The following HPSE2 variants were observed in gnomAD, a reference collection of about 807,000 sequenced individuals.
HPSE2 encodes the protein heparanase 2 (inactive), also known as inactive heparanase-2.
In HPSE2, 38 loss-of-function variants were observed where a neutral mutation model predicts 60.5. That is an observed-to-expected ratio of 0.63 (90% CI 0.48 to 0.82). The LOEUF is 0.82. HPSE2 is among the 40% of genes least tolerant of loss of function. HPSE2 has a pLI of 0.00. For synonymous variants in HPSE2, 295 were observed against 293.2 expected, an observed-to-expected ratio of 1.01 and a Z score of -0.06; for missense variants, 713 against 740.4, an observed-to-expected ratio of 0.96 and a Z score of 0.43.
the HPSE2 span, among the ~76,000 whole-genome samples, chr10:99,306,883 T>G: frequency 2.0e-5 from 3 of 152,230 alleles, no homozygotes; most frequent in African/African-American, 7.2e-5. Flanking sequence ...GCTAATTTTG[T>G]ATTTTTAGTA....
intron 6 of HPSE2, among the ~76,000 whole-genome samples, chr10:98,688,311 C>T (rs1470902719): frequency 6.6e-6 from 1 of 151,860 alleles, no homozygotes; most frequent in South Asian, 2.1e-4. Context: ...TATATTTTTG[C>T]ATGAATCATT....
At position 98,939,578 on chromosome 10, in the gene HPSE2, G is replaced by A. The variant is rs1314152581; in HGVS notation, c.611-195522C>T. ...CCAATACAGGAGCACCCAGATTCAT[G>A]AAGCAAGTCCTGAGTGACCTACAAA... is the stretch of plus-strand genomic sequence containing the variant. On this transcript the variant is annotated intron_variant, in intron 3 of 11. Transcript: ENST00000370552. Among the ~76,000 whole-genome samples the A allele has an allele frequency of 4.2e-5, 6 of 143,366 alleles. 1 individual carries two copies. Among genetic ancestry groups the A allele is most frequent in the Non-Finnish European group, 6.0e-5 (4 of 67,094 alleles). The allele number at this position is 143,366 out of a possible 152,430, so 94.1% of individuals were successfully genotyped here. A position where few individuals can be genotyped will look rare whatever the true frequency, so the allele number is the denominator to read the frequency against.
At chr10:98,486,320 T>C (rs1009977799) in intron 10 of HPSE2, among the ~76,000 whole-genome samples, 2 of 152,224 alleles carry the variant, frequency 1.3e-5, no homozygotes, top group African/African-American at 4.8e-5. Flanking sequence ...AAGCATTTGC[T>C]GGCCCTCTGA....
At chr10:99,235,860 C>CT (rs1849825096), upstream of HPSE2, 1 of 1,484,796 alleles carries the variant, frequency 6.7e-7, no homozygotes, top group Non-Finnish European at 9.4e-7. Flanking sequence ...ACTAATTGTC[C>CT]TTATCTAAAG....
At chr10:99,023,764 C>G (rs554899871) in intron 3 of HPSE2, among the ~76,000 whole-genome samples, 1 of 152,168 alleles carries the variant, frequency 6.6e-6, no homozygotes, top group Non-Finnish European at 1.5e-5. Context: ...TATGAGTCAA[C>G]AAGAACCACA....
chr10:98,861,537 C>A (rs543166609), intron 3 of HPSE2, among the ~76,000 whole-genome samples: 23 of 152,198 alleles, frequency 1.5e-4, no homozygotes, highest in African/African-American at 5.5e-4. Flanking sequence ...AAAACTATAC[C>A]GAATGCATGT....
At chr10:98,546,383 A>C (rs202151628) in intron 9 of HPSE2, among the ~76,000 whole-genome samples, 29,266 of 131,994 alleles carry the variant, frequency 0.22, 3,299 homozygotes, top group East Asian at 0.4. Context: ...TGGAGGCATC[A>C]TGCTACCTGA....
chr10:99,031,183 G>A (rs959595349), intron 3 of HPSE2, among the ~76,000 whole-genome samples: 4 of 151,940 alleles, frequency 2.6e-5, no homozygotes, highest in African/African-American at 7.3e-5. Flanking sequence ...TTGAGGGGAC[G>A]GATACCACAT....
chr10:98,573,072 A>G (rs528338297), intron 9 of HPSE2, among the ~76,000 whole-genome samples: 2 of 152,326 alleles, frequency 1.3e-5, no homozygotes, highest in East Asian at 3.9e-4. Flanking sequence ...AACAGATCTG[A>G]GTGATCTTGG....
intron 7 of HPSE2, among the ~76,000 whole-genome samples, chr10:98,626,629 T>C (rs1322625368): frequency 6.6e-6 from 1 of 152,102 alleles, no homozygotes; most frequent in Non-Finnish European, 1.5e-5. Flanking sequence ...AAACAGACAG[T>C]GGCCCCAGCT....
intron 3 of HPSE2, among the ~76,000 whole-genome samples, chr10:98,990,504 C>A (rs755078563): frequency 1.3e-5 from 2 of 152,174 alleles, no homozygotes; most frequent in Non-Finnish European, 2.9e-5. Context: ...GCTCGCTCAC[C>A]CTGCCACTTA....
rs374004479 is a variant in HPSE2 at position 99,162,338 on chromosome 10, A to C, written c.449-17939T>G. ...CAAATGCCATTGTTACATCATGTAT[A>C]TTCTGCTTCTCTGCAGATTATATGA... On this transcript the variant is annotated intron_variant, in intron 2 of 11. Coordinates refer to ENST00000370552, the MANE Select transcript of HPSE2 (RefSeq NM_021828.5). Among the ~76,000 whole-genome samples, 14 of 152,326 alleles carry C rather than the reference A, an allele frequency of 9.2e-5. No individual in the cohort carries two copies. In the East Asian group the frequency reaches 2.7e-3, roughly 29 times the overall value.
chr10:99,148,787 CTCAATCAATCAATCAATCAA>C (rs10604979), intron 2 of HPSE2, among the ~76,000 whole-genome samples: 2 of 149,648 alleles, frequency 1.3e-5, no homozygotes, highest in African/African-American at 2.5e-5. Context: ...CGAAACTCCA[CTCAATCAATCAATCAATCAA>C]TCAATCAATC....
At chr10:99,160,831 G>A (rs901195609) in intron 2 of HPSE2, among the ~76,000 whole-genome samples, 9 of 145,984 alleles carry the variant, frequency 6.2e-5, no homozygotes, top group Non-Finnish European at 7.5e-5. Context: ...CCCGGGAGGC[G>A]GAGCTTGCAG....
chr10:98,951,478 CA>C (rs533356583), intron 3 of HPSE2, among the ~76,000 whole-genome samples: 3 of 151,694 alleles, frequency 2.0e-5, no homozygotes, highest in Non-Finnish European at 4.4e-5. Flanking sequence ...AGGGAAGTGA[CA>C]AAAAAATAAT....
chr10:99,308,379 C>CAAAAAAAAAAAAAAAAAA, the HPSE2 span, among the ~76,000 whole-genome samples: 15 of 28,124 alleles, frequency 5.3e-4, 2 homozygotes, highest in African/African-American at 1.1e-3. Context: ...GACTCTGTCT[C>CAAAAAAAAAAAAAAAAAA]AAAAAAAAAA....
chr10:98,695,291 G>C (rs567582619), intron 5 of HPSE2, among the ~76,000 whole-genome samples: 1 of 152,186 alleles, frequency 6.6e-6, no homozygotes, highest in Non-Finnish European at 1.5e-5. Context: ...GGACGAGGAC[G>C]GAGGATGAGA....
intron 9 of HPSE2, among the ~76,000 whole-genome samples, chr10:98,601,066 T>A (rs1589486463): frequency 6.6e-6 from 1 of 151,120 alleles, no homozygotes; most frequent in South Asian, 2.1e-4. Flanking sequence ...GCTGGCAGGG[T>A]GGAGACCCAG....
chr10:98,672,699 T>G (rs1229437073), intron 6 of HPSE2, among the ~76,000 whole-genome samples: 2 of 152,208 alleles, frequency 1.3e-5, no homozygotes, highest in Admixed American at 6.5e-5. Context: ...CTAATGACAG[T>G]AGCTGGGCTC....
Sources: gnomAD v4.1 joint callset for allele counts (sites outside exome capture counted in the v4.1 genomes callset) on GRCh38, gnomAD v4.1.1 for gene constraint, MANE v1.5 for transcripts, NCBI Gene and HGNC (gene_info 2026-07-23, HGNC 2026-07-21) for gene names.